The following ANKFN1 variants were observed in gnomAD, a reference collection of about 807,000 sequenced individuals.
ANKFN1 encodes the protein ankyrin repeat and fibronectin type-III domain-containing protein 1.
In ANKFN1, 74 loss-of-function variants were observed where a neutral mutation model predicts 108.7. The ratio of observed to expected loss-of-function variants is 0.68; its 90% CI spans 0.56 to 0.83. ANKFN1 has a LOEUF of 0.83. Among genes scored for constraint, ANKFN1 ranks in the 40% least tolerant of loss-of-function variants. The probability of loss-of-function intolerance (pLI) is 0.00; values close to 1 mark genes in which losing one functional copy is unlikely to be tolerated. For missense variants in ANKFN1, 1,505 were observed against 1,382.3 expected, an observed-to-expected ratio of 1.09 and a Z score of -1.41; for synonymous variants, 547 against 516.2, an observed-to-expected ratio of 1.06 and a Z score of -0.81.
intron 1 of ANKFN1, among the ~76,000 whole-genome samples, chr17:56,197,956 A>G (rs1913672817): frequency 6.6e-6 from 1 of 152,140 alleles, no homozygotes; most frequent in African/African-American, 2.4e-5. Context: ...GCTACAGTGA[A>G]CCATGATCGT....
At chr17:56,435,759 G>C (rs1206611160) in intron 8 of ANKFN1, among the ~76,000 whole-genome samples, 1 of 139,798 alleles carries the variant, frequency 7.2e-6, no homozygotes, top group Non-Finnish European at 1.6e-5. Flanking sequence ...TTTTTTTTTT[G>C]ATCAATTGAA....
At chr17:56,094,504 G>A (rs7221448) in intron 4 of ANKFN1, among the ~76,000 whole-genome samples, 21,904 of 104,854 alleles carry the variant, frequency 0.21, 4,859 homozygotes, top group African/African-American at 0.53. Flanking sequence ...TTTTTGAGGC[G>A]AAGTCTTGTT....
Position 56,177,866 on chromosome 17 carries a change from C to T in ANKFN1, c.-71+24336C>T, listed in dbSNP as rs148614490. Among the ~76,000 whole-genome samples the T allele has an allele frequency of 3.9e-3, 588 of 152,032 alleles. 11 individuals carry two copies. The highest frequency in any genetic ancestry group is 0.024 in the Middle Eastern group (7 of 294). On this transcript the variant is annotated intron_variant, in intron 1 of 20. Transcript: ENST00000682825. ...TGAGATCCTGGGATTTATTTTAATA[C>T]ATTATTAATATTTAAGTTATTTTTT...
intron 19 of ANKFN1, among the ~76,000 whole-genome samples, chr17:56,493,797 C>T (rs1163848177): frequency 1.3e-5 from 2 of 152,182 alleles, no homozygotes; most frequent in African/African-American, 4.8e-5. Flanking sequence ...TTTGAGAAGA[C>T]TAAAGGCAGA....
intron 4 of ANKFN1, among the ~76,000 whole-genome samples, chr17:56,067,064 C>T (rs1323143349): frequency 1.3e-5 from 2 of 152,098 alleles, no homozygotes; most frequent in East Asian, 3.9e-4. Context: ...TGGAGAGTGC[C>T]TGTAGTCCTG....
At chr17:56,144,495 G>A (rs996697042) in intron 4 of ANKFN1, among the ~76,000 whole-genome samples, 12 of 152,198 alleles carry the variant, frequency 7.9e-5, no homozygotes, top group African/African-American at 2.7e-4. Flanking sequence ...AGATAGACAA[G>A]TAGCTTGGGT....
At chr17:56,193,168 C>T (rs1459948873) in intron 1 of ANKFN1, among the ~76,000 whole-genome samples, 3 of 106,676 alleles carry the variant, frequency 2.8e-5, no homozygotes, top group East Asian at 6.1e-4. Flanking sequence ...AACCAAACAC[C>T]GCATATTCTC....
At chr17:56,116,527 T>A (rs1397407727) in intron 4 of ANKFN1, among the ~76,000 whole-genome samples, 1 of 152,116 alleles carries the variant, frequency 6.6e-6, no homozygotes, top group African/African-American at 2.4e-5. Context: ...GTGAGTGAGT[T>A]CTCACTCTTA....
intron 4 of ANKFN1, among the ~76,000 whole-genome samples, chr17:56,076,829 A>G (rs1759849328): frequency 1.3e-5 from 2 of 152,132 alleles, no homozygotes; most frequent in Non-Finnish European, 2.9e-5. Flanking sequence ...AAACTAAAAT[A>G]TTTTTGAGTA....
intron 14 of ANKFN1, among the ~76,000 whole-genome samples, chr17:56,463,138 A>G (rs1315435713): frequency 6.6e-6 from 1 of 152,230 alleles, no homozygotes; most frequent in Non-Finnish European, 1.5e-5. Context: ...TTTATTTAAC[A>G]GACTAGGTGC....
chr17:56,296,551 G>A (rs901855238), intron 3 of ANKFN1, among the ~76,000 whole-genome samples: 2 of 152,156 alleles, frequency 1.3e-5, no homozygotes, highest in African/African-American at 2.4e-5. Context: ...ACATGTGGTG[G>A]CGCATGCCTG....
At chr17:56,187,901 G>A (rs1912393232) in intron 1 of ANKFN1, among the ~76,000 whole-genome samples, 3 of 149,826 alleles carry the variant, frequency 2.0e-5, no homozygotes, top group African/African-American at 7.3e-5. Flanking sequence ...TTGGACACAG[G>A]TTGGGGAACA....
intron 2 of ANKFN1, among the ~76,000 whole-genome samples, chr17:56,223,820 A>G (rs753452552): frequency 2.4e-4 from 36 of 152,238 alleles, no homozygotes; most frequent in Non-Finnish European, 3.1e-4. Context: ...ATTTGGACTT[A>G]ATGAAGACAA....
chr17:56,506,137 T>A (rs924147068), intron 20 of ANKFN1, among the ~76,000 whole-genome samples: 2 of 152,190 alleles, frequency 1.3e-5, no homozygotes, highest in Non-Finnish European at 2.9e-5. Context: ...TATGTATACA[T>A]GCGCCATGTT....
chr17:56,278,508 CT>C (rs1305787089), intron 3 of ANKFN1, among the ~76,000 whole-genome samples: 2 of 152,186 alleles, frequency 1.3e-5, no homozygotes, highest in African/African-American at 4.8e-5. Flanking sequence ...TGCTGGTCTC[CT>C]TTCTTCATTT....
At position 56,170,878 on chromosome 17, in the gene ANKFN1, T is replaced by A. The variant is rs866222714; in HGVS notation, c.-71+17348T>A. 2.7e-4 allele frequency among the ~76,000 whole-genome samples: 40 copies of A among 147,880 alleles called. No homozygotes were observed. In the Middle Eastern group the frequency reaches 0.011, roughly 39 times the overall value. ...TGTATAGTCCCCATATTTATATATCTAGTTACCTGCCCTTACTACCACCGC... is the reference window on the plus strand; with the variant it reads ...TGTATAGTCCCCATATTTATATATCAAGTTACCTGCCCTTACTACCACCGC... On this transcript the variant is annotated intron_variant, in intron 1 of 20. Coordinates refer to ENST00000682825, the MANE Select transcript of ANKFN1 (RefSeq NM_001370326.1).
rs750712501 is a variant in ANKFN1, at chr17:56,511,762, G to C, written c.*493G>C. 1 of 154,102 alleles carries C rather than the reference G, an allele frequency of 6.5e-6. No individual in the cohort carries two copies. The highest frequency in any genetic ancestry group is 1.4e-5 in the Non-Finnish European group (1 of 69,448). 9.5% of individuals were successfully genotyped at this position (154,102 alleles called of 1,614,324 possible). A position where few individuals can be genotyped will look rare whatever the true frequency, so the allele number is the denominator to read the frequency against. On this transcript the variant is annotated 3_prime_UTR_variant, in exon 21 of 21. Coordinates refer to ENST00000682825, the MANE Select transcript of ANKFN1 (RefSeq NM_001370326.1). ...ACACCAGGTTGTGTCTCTAGGGCAC[G>C]GGGTCAGGTGGGCTTGACCTTGGTT...
At chr17:56,470,301 C>A (rs1224740482) in intron 15 of ANKFN1, among the ~76,000 whole-genome samples, 2 of 152,158 alleles carry the variant, frequency 1.3e-5, no homozygotes, top group East Asian at 3.9e-4. Flanking sequence ...TGGGTATATA[C>A]CCAGTAATGG....
intron 1 of ANKFN1, among the ~76,000 whole-genome samples, chr17:56,204,118 C>A (rs1914303724): frequency 6.6e-6 from 1 of 152,168 alleles, no homozygotes; most frequent in Non-Finnish European, 1.5e-5. Flanking sequence ...ACGATCTCGG[C>A]TCACCGCAAC....
Sources: gnomAD v4.1 joint callset for allele counts (sites outside exome capture counted in the v4.1 genomes callset) on GRCh38, gnomAD v4.1.1 for gene constraint, MANE v1.5 for transcripts, NCBI Gene and HGNC (gene_info 2026-07-23, HGNC 2026-07-21) for gene names.